The following ALPK1 variants were observed in gnomAD, a reference collection of about 807,000 sequenced individuals.
ALPK1 encodes the protein alpha-protein kinase 1.
In ALPK1, 110 loss-of-function variants were observed where a neutral mutation model predicts 120.6. The ratio of observed to expected loss-of-function variants is 0.91; its 90% CI spans 0.78 to 1.07. The LOEUF is 1.07. Among genes scored for constraint, ALPK1 ranks in the 50% least tolerant of loss-of-function variants. The probability of loss-of-function intolerance (pLI) is 0.00; values close to 1 mark genes in which losing one functional copy is unlikely to be tolerated. For missense variants in ALPK1, 1,498 were observed against 1,483.9 expected (o/e 1.01, Z -0.16); for synonymous variants, 582 against 560.3 (o/e 1.04, Z -0.55).
intron 2 of ALPK1, chr4:112,357,719 C>A: frequency 6.6e-7 from 1 of 1,516,220 alleles, no homozygotes; most frequent in East Asian, 2.3e-5. Context: ...AGACGGTTTT[C>A]CAAGGAGTGC....
chr4:112,418,745 G>T (rs1214052299), intron 5 of ALPK1, among the ~76,000 whole-genome samples: 1 of 88,170 alleles, frequency 1.1e-5, no homozygotes, highest in East Asian at 6.0e-4. Context: ...AGTTGGAGCT[G>T]AAAAAGTTAC....
intron 4 of ALPK1, among the ~76,000 whole-genome samples, chr4:112,395,498 C>G (rs2148737208): frequency 6.6e-6 from 1 of 152,298 alleles, no homozygotes; most frequent in Non-Finnish European, 1.5e-5. Context: ...CTCATCTCAT[C>G]TGTAAAAACT....
chr4:112,346,950 T>C (rs1447621427), intron 2 of ALPK1, among the ~76,000 whole-genome samples: 1 of 152,226 alleles, frequency 6.6e-6, no homozygotes, highest in Non-Finnish European at 1.5e-5. Flanking sequence ...ATGTATTTGC[T>C]TCCTGTCAGG....
At chr4:112,312,548 A>G (rs1236563661) in intron 1 of ALPK1, among the ~76,000 whole-genome samples, 2 of 152,232 alleles carry the variant, frequency 1.3e-5, no homozygotes, top group African/African-American at 4.8e-5. Context: ...CTGGGATTAC[A>G]GGCGTGAGCC....
At chr4:112,356,071 T>C (rs1300577907) in intron 2 of ALPK1, 2 of 953,010 alleles carry the variant, frequency 2.1e-6, no homozygotes, top group African/African-American at 3.2e-5. Context: ...GAGTGTTTTT[T>C]TCTCACAGAC....
intron 4 of ALPK1, among the ~76,000 whole-genome samples, chr4:112,404,909 GC>G (rs1733098219): frequency 6.6e-6 from 1 of 152,176 alleles, no homozygotes; most frequent in African/African-American, 2.4e-5. Context: ...CCCTACCGAA[GC>G]AGTACCTTTC....
chr4:112,350,810 T>C (rs1466045107), intron 2 of ALPK1, among the ~76,000 whole-genome samples: 1 of 152,182 alleles, frequency 6.6e-6, no homozygotes, highest in Non-Finnish European at 1.5e-5. Context: ...AGAGAATACA[T>C]CTCAAGTTGA....
At chr4:112,326,598 A>G (rs1729129892) in intron 2 of ALPK1, among the ~76,000 whole-genome samples, 1 of 152,182 alleles carries the variant, frequency 6.6e-6, no homozygotes, top group South Asian at 2.1e-4. Flanking sequence ...CCACATGAGG[A>G]CTGTCTGCAT....
intron 14 of ALPK1, 54 bp from the exon 15 acceptor site, chr4:112,440,863 T>C (rs1560692422): frequency 1.3e-6 from 2 of 1,541,346 alleles, no homozygotes; most frequent in South Asian, 1.3e-5. Context: ...TTGTAAACAC[T>C]TGATGGACAT....
chr4:112,379,339 G>A (rs1223638298), intron 3 of ALPK1, among the ~76,000 whole-genome samples: 2 of 152,220 alleles, frequency 1.3e-5, no homozygotes, highest in Non-Finnish European at 2.9e-5. Context: ...AAGCTGCTTG[G>A]GGAAGCAAGT....
rs575741271 is a variant in ALPK1, at chr4:112,342,015, A to G, written c.-101+26163A>G. Among the ~76,000 whole-genome samples, 6 of 152,336 alleles carry G rather than the reference A, an allele frequency of 3.9e-5. No homozygotes were observed. In the South Asian group the frequency reaches 1.2e-3, roughly 32 times the overall value. On this transcript the variant is annotated intron_variant, in intron 2 of 15. Coordinates refer to ENST00000650871, the MANE Select transcript of ALPK1 (RefSeq NM_025144.4). ...TGACTTCCTCTAGAAGCAAGCTTACATTGTGCTGAAACTCAGCTTGCCAAA... is the reference window on the plus strand; with the variant it reads ...TGACTTCCTCTAGAAGCAAGCTTACGTTGTGCTGAAACTCAGCTTGCCAAA...
intron 5 of ALPK1, among the ~76,000 whole-genome samples, chr4:112,418,512 G>A (rs1472658827): frequency 6.6e-6 from 1 of 152,206 alleles, no homozygotes; most frequent in Non-Finnish European, 1.5e-5. Flanking sequence ...ATGAAAGCCT[G>A]TGTTGTAGGA....
At chr4:112,385,190 C>T (rs73841010) in intron 4 of ALPK1, among the ~76,000 whole-genome samples, 1 of 152,048 alleles carries the variant, frequency 6.6e-6, no homozygotes, top group Non-Finnish European at 1.5e-5. Flanking sequence ...AAACTGAAAA[C>T]GATGTTTTAA....
intron 3 of ALPK1, among the ~76,000 whole-genome samples, chr4:112,379,650 C>T (rs1731818602): frequency 6.6e-6 from 1 of 152,216 alleles, no homozygotes; most frequent in Non-Finnish European, 1.5e-5. Context: ...TACAGGGTCA[C>T]TTATGGCAGC....
chr4:112,372,556 C>A (rs10007654), intron 2 of ALPK1, among the ~76,000 whole-genome samples: 24,060 of 152,020 alleles, frequency 0.16, 2,768 homozygotes, highest in African/African-American at 0.33. Context: ...AATTATATAT[C>A]TTTATGGTCA....
chr4:112,388,373 A>T (rs1226893724), intron 4 of ALPK1, among the ~76,000 whole-genome samples: 6 of 152,224 alleles, frequency 3.9e-5, no homozygotes, highest in Non-Finnish European at 8.8e-5. Context: ...CAAAGTATGA[A>T]TTTATTAGGA....
chr4:112,338,876 C>G (rs1418756983), intron 2 of ALPK1, among the ~76,000 whole-genome samples: 1 of 152,186 alleles, frequency 6.6e-6, no homozygotes, highest in Non-Finnish European at 1.5e-5. Flanking sequence ...GGTCACCTAC[C>G]TCATGGTCAC....
At chr4:112,311,343 C>A (rs1728392471) in intron 1 of ALPK1, among the ~76,000 whole-genome samples, 1 of 152,132 alleles carries the variant, frequency 6.6e-6, no homozygotes, top group African/African-American at 2.4e-5. Context: ...TGTGTGTCAG[C>A]CTTTCTGTTA....
Position 112,432,405 on chromosome 4 carries a change from C to T in ALPK1, c.2858C>T (p.Ser953Phe), listed in dbSNP as rs200148939. The T allele has an allele frequency of 1.3e-4, 203 of 1,613,966 alleles. No individual in the cohort carries two copies. Among genetic ancestry groups the T allele is most frequent in the Non-Finnish European group, 1.6e-4 (183 of 1,180,028 alleles). ...EGDSPWSYLNSSGSSWVSLPG... is the reference protein window; with the variant it reads ...EGDSPWSYLNFSGSSWVSLPG... ...GACAGCCCTTGGTCCTATCTGAATT[C>T]CAGTGGGAGTTCTTGGGTTTCATTG... The change falls in exon 11 of 16, where the codon TCC becomes TTC. Residue 953 changes from serine to phenylalanine, a missense_variant. By Grantham distance (155) the Ser-to-Phe change is radical. Coordinates refer to ENST00000650871, the MANE Select transcript of ALPK1 (RefSeq NM_025144.4).
Sources: allele counts gnomAD v4.1 joint callset (sites outside exome capture counted in the v4.1 genomes callset), GRCh38; gene constraint gnomAD v4.1.1; transcripts MANE v1.5; gene names NCBI Gene and HGNC (gene_info 2026-07-23, HGNC 2026-07-21).